The following SOX6 variants were observed in gnomAD, a reference collection of about 807,000 sequenced individuals.
SOX6 encodes the protein transcription factor SOX-6.
A neutral mutation model predicts 97.8 loss-of-function variants in SOX6; 11 were observed. The observed-to-expected ratio is 0.11, with a 90% confidence interval of 0.07 to 0.19. The LOEUF is 0.19. Ranked by LOEUF, SOX6 falls within the 10% of genes least tolerant of loss-of-function variation. The pLI, the probability that SOX6 is intolerant of heterozygous loss-of-function variation, is 1.00. For synonymous variants in SOX6, 360 were observed against 371.4 expected, an observed-to-expected ratio of 0.97 and a Z score of 0.35; for missense variants, 810 against 1,039.5, an observed-to-expected ratio of 0.78 and a Z score of 3.04.
rs529887666 is a variant in SOX6 at position 16,489,480 on chromosome 11, T to C, written n.610-13092A>G. Reference sequence around the variant, plus strand: ...CCTAGACAACAGCATGAGGAAACATTTATGGTATGTATCTACTGTATTATA... The same window carrying C: ...CCTAGACAACAGCATGAGGAAACATCTATGGTATGTATCTACTGTATTATA... On this transcript the variant is annotated intron_variant and non_coding_transcript_variant, in intron 4 of 5. Coordinates refer to the SOX6 transcript ENST00000524520. 1.3e-4 allele frequency among the ~76,000 whole-genome samples: 20 copies of C among 152,244 alleles called. 1 individual carries two copies. The highest frequency in any genetic ancestry group is 1.3e-3 in the Admixed American group (20 of 15,288).
chr11:16,176,495 A>G (rs1851189355), intron 6 of SOX6, among the ~76,000 whole-genome samples: 1 of 151,884 alleles, frequency 6.6e-6, no homozygotes, highest in Non-Finnish European at 1.5e-5. Context: ...TAAAGCCCTC[A>G]GGAAGTAGTA....
chr11:16,296,456 TGCTGTACA>T lies in SOX6; in HGVS notation c.445+21982_445+21989del, dbSNP rs377638603. Among the ~76,000 whole-genome samples the T allele has an allele frequency of 2.6e-5, 4 of 152,256 alleles. No homozygotes were observed. In the East Asian group the frequency reaches 5.8e-4, roughly 22 times the overall value. On this transcript the variant is annotated intron_variant, in intron 3 of 15. Coordinates refer to ENST00000683767, the MANE Select transcript of SOX6 (RefSeq NM_001367873.1). ...AGCAGAAGGAAGATGGGCAACGGAA[TGCTGTACA>T]GCAATCAGCACTGTTGACTAATCAG...
intron 3 of SOX6, among the ~76,000 whole-genome samples, chr11:16,301,813 A>G (rs1855267500): frequency 6.6e-6 from 1 of 152,092 alleles, no homozygotes; most frequent in Non-Finnish European, 1.5e-5. Flanking sequence ...CCATAAAACG[A>G]CAAGAAAAGG....
chr11:16,054,752 C>T (rs1232238187), intron 10 of SOX6, among the ~76,000 whole-genome samples: 1 of 152,120 alleles, frequency 6.6e-6, no homozygotes, highest in African/African-American at 2.4e-5. Flanking sequence ...TACAATAAAG[C>T]ATTTGTACTT....
intron 13 of SOX6, among the ~76,000 whole-genome samples, chr11:16,010,013 G>A (rs1221005358): frequency 6.6e-6 from 1 of 151,828 alleles, no homozygotes; most frequent in Non-Finnish European, 1.5e-5. Context: ...TAAGCGGTGT[G>A]TTTTAAAGAA....
chr11:16,524,843 A>C (rs1460285913), intron 4 of SOX6, among the ~76,000 whole-genome samples: 1 of 152,236 alleles, frequency 6.6e-6, no homozygotes, highest in East Asian at 1.9e-4. Context: ...AATAACAGAC[A>C]AACAGAGAGC....
At chr11:16,583,375 A>T (rs1169841484) in intron 4 of SOX6, among the ~76,000 whole-genome samples, 1 of 151,136 alleles carries the variant, frequency 6.6e-6, no homozygotes, top group Non-Finnish European at 1.5e-5. Flanking sequence ...AGAACACTAG[A>T]ACTTATTCCT....
chr11:16,429,771 C>T (rs1211449536), intron 1 of SOX6, among the ~76,000 whole-genome samples: 1 of 151,942 alleles, frequency 6.6e-6, no homozygotes, highest in African/African-American at 2.4e-5. Flanking sequence ...TACAATGAAC[C>T]CCTATGACAC....
At chr11:16,705,608 C>T (rs1307462145) in intron 3 of SOX6, among the ~76,000 whole-genome samples, 2 of 151,278 alleles carry the variant, frequency 1.3e-5, no homozygotes, top group Non-Finnish European at 2.9e-5. Context: ...ACCTGGACAA[C>T]AGAGCAAAAT....
chr11:16,400,652 A>G (rs925314461), intron 1 of SOX6, among the ~76,000 whole-genome samples: 2 of 151,400 alleles, frequency 1.3e-5, no homozygotes, highest in Admixed American at 1.3e-4. Flanking sequence ...ATATGATCCA[A>G]TCTTGCAGAA....
rs1214717114 is a variant in SOX6, at chr11:16,505,258, TG to T, written n.610-28871del. ...TCTCAGATGGAGATGAGGAACTTATTGGGAACTGGAGCAAAGGTCACTCTTG... is the reference window on the plus strand; with the variant it reads ...TCTCAGATGGAGATGAGGAACTTATTGGAACTGGAGCAAAGGTCACTCTTG... On this transcript the variant is annotated intron_variant and non_coding_transcript_variant, in intron 4 of 5. Coordinates refer to the SOX6 transcript ENST00000524520. Among the ~76,000 whole-genome samples, 7 of 152,256 alleles carry T rather than the reference TG, an allele frequency of 4.6e-5. No individual in the cohort carries two copies. In the East Asian group the frequency reaches 1.4e-3, roughly 29 times the overall value.
rs80188148 is a variant in SOX6, at chr11:16,444,279, A to T, written c.-5+32036T>A. The stretch of plus-strand genomic sequence containing the variant: ...GTTCTGCCAACACTCTCTTACCTAC[A>T]TTGGCAGAAGAATGAATCTTTGTCT... On this transcript the variant is annotated intron_variant, in intron 1 of 15. Transcript: ENST00000396356. Among the ~76,000 whole-genome samples the T allele has an allele frequency of 7.3e-3, 1,116 of 152,308 alleles. 16 individuals are homozygous for T. The highest frequency in any genetic ancestry group is 0.024 in the African/African-American group (999 of 41,552).
chr11:16,192,781 A>G (rs1251396816), intron 4 of SOX6, among the ~76,000 whole-genome samples: 1 of 152,218 alleles, frequency 6.6e-6, no homozygotes, highest in African/African-American at 2.4e-5. Context: ...TGTATTTAAA[A>G]GCCTTTTTTT....
chr11:16,151,419 A>C (rs1850454997), intron 6 of SOX6, among the ~76,000 whole-genome samples: 1 of 152,138 alleles, frequency 6.6e-6, no homozygotes, highest in Non-Finnish European at 1.5e-5. Flanking sequence ...AAAATTCATC[A>C]CCTAATAGTT....
chr11:16,354,993 C>T (rs1281143487), intron 1 of SOX6, among the ~76,000 whole-genome samples: 1 of 152,008 alleles, frequency 6.6e-6, no homozygotes, highest in East Asian at 1.9e-4. Flanking sequence ...AAGCAGCTTA[C>T]CTTAAAATTC....
chr11:16,333,263 T>G (rs946713181), intron 2 of SOX6, among the ~76,000 whole-genome samples: 7 of 152,278 alleles, frequency 4.6e-5, no homozygotes, highest in Admixed American at 3.9e-4. Context: ...ACTTTGAGAT[T>G]AATATTTCAT....
At chr11:16,060,868 C>T (rs564482414) in intron 9 of SOX6, among the ~76,000 whole-genome samples, 6 of 151,910 alleles carry the variant, frequency 3.9e-5, no homozygotes, top group African/African-American at 1.4e-4. Context: ...TCTTATCTTG[C>T]TTGATACACT....
At chr11:16,503,342 A>G (rs1372113626) in intron 4 of SOX6, among the ~76,000 whole-genome samples, 1 of 152,190 alleles carries the variant, frequency 6.6e-6, no homozygotes, top group Non-Finnish European at 1.5e-5. Flanking sequence ...ACAGAAAATT[A>G]CCAAACCACA....
intron 4 of SOX6, among the ~76,000 whole-genome samples, chr11:16,590,854 A>C (rs1009608426): frequency 3.9e-5 from 6 of 152,130 alleles, no homozygotes; most frequent in Non-Finnish European, 7.4e-5. Context: ...TGGTACAAAA[A>C]TATAGATAGA....
Sources: allele counts gnomAD v4.1 joint callset (sites outside exome capture counted in the v4.1 genomes callset), GRCh38; gene constraint gnomAD v4.1.1; transcripts MANE v1.5; gene names NCBI Gene and HGNC (gene_info 2026-07-23, HGNC 2026-07-21).